CCDC3: variants seen among roughly 807,000 people sequenced by gnomAD.
The protein encoded by CCDC3 is coiled-coil domain-containing protein 3.
CCDC3 carries 24 observed loss-of-function variants against 21.4 expected under a neutral mutation model. The ratio of observed to expected loss-of-function variants is 1.12; its 90% CI spans 0.81 to 1.58. The LOEUF (loss-of-function observed/expected upper bound fraction) is 1.58, where lower values mean the gene tolerates loss of function less well. Ranked by LOEUF, CCDC3 falls within the 40% of genes most tolerant of loss-of-function variation. The probability of loss-of-function intolerance (pLI) is 0.00; values close to 1 mark genes in which losing one functional copy is unlikely to be tolerated. For synonymous variants in CCDC3, 186 were observed against 166.0 expected (o/e 1.12, Z -0.93); for missense variants, 425 against 360.9 (o/e 1.18, Z -1.44).
chr10:13,040,432 C>A (rs544878259), intron 5 of CCDC3, among the ~76,000 whole-genome samples: 72 of 152,218 alleles, frequency 4.7e-4, no homozygotes, highest in Non-Finnish European at 4.6e-4. Context: ...GGGCTAGATG[C>A]GGTGGCTCGC....
chr10:12,978,602 G>A (rs935306364), intron 2 of CCDC3, among the ~76,000 whole-genome samples: 1 of 152,016 alleles, frequency 6.6e-6, no homozygotes, highest in African/African-American at 2.4e-5. Flanking sequence ...AAAGGCAGGA[G>A]GCCAACCTGG....
chr10:13,098,710 A>ATTTGTTTTTTTTTTT, intron 2 of CCDC3: 1 of 64,854 alleles, frequency 1.5e-5, no homozygotes, highest in Non-Finnish European at 2.7e-5. Flanking sequence ...TCCTGCACTG[A>ATTTGTTTTTTTTTTT]TTTTTTTTTT....
chr10:13,035,975 C>T (rs1181770581), intron 5 of CCDC3, among the ~76,000 whole-genome samples: 5 of 152,146 alleles, frequency 3.3e-5, no homozygotes. Flanking sequence ...GAAACCCCGT[C>T]TGTACTAAAA....
At chr10:13,042,923 AAAAAG>A (rs1457145178) in intron 5 of CCDC3, among the ~76,000 whole-genome samples, 3 of 127,818 alleles carry the variant, frequency 2.3e-5, no homozygotes, top group African/African-American at 5.3e-5. Flanking sequence ...AAAAAAAAAA[AAAAAG>A]AAAAGAAAAA....
Position 12,898,453 on chromosome 10 carries a change from G to A in CCDC3, c.776C>T (p.Ala259Val), listed in dbSNP as rs1433405365. 12 of 1,610,262 alleles carry A rather than the reference G, an allele frequency of 7.5e-6. No individual in the cohort carries two copies. Among genetic ancestry groups the A allele is most frequent in the Non-Finnish European group, 9.3e-6 (11 of 1,177,866 alleles). ...LAAGALPHIN[A>V]RGPVRPPYLR... is the part of the protein sequence containing the mutation. ...GTAGGGGGGGCGCACGGGCCCCCGG[G>A]CATTGATGTGCGGCAGCGCGCCCGC... The change falls in exon 3 of 3, where the codon GCC becomes GTC. Residue 259 changes from alanine (A) to valine (V), a missense_variant. Physicochemically the swap from Ala to Val is moderately conservative, Grantham distance 64. Coordinates refer to ENST00000378825, the MANE Select transcript of CCDC3 (RefSeq NM_031455.4).
intron 2 of CCDC3, among the ~76,000 whole-genome samples, chr10:12,971,415 C>G (rs1835341635): frequency 6.6e-6 from 1 of 152,332 alleles, no homozygotes; most frequent in African/African-American, 2.4e-5. Context: ...AGCACAGCTT[C>G]TCACTGTAGC....
intron 2 of CCDC3, among the ~76,000 whole-genome samples, chr10:12,963,430 C>T (rs1016333863): frequency 1.3e-5 from 2 of 152,156 alleles, no homozygotes; most frequent in Non-Finnish European, 2.9e-5. Flanking sequence ...GCACTTCCCA[C>T]GTCTTCAACA....
At chr10:12,899,653 A>G (rs942344994) in intron 2 of CCDC3, among the ~76,000 whole-genome samples, 7 of 152,180 alleles carry the variant, frequency 4.6e-5, no homozygotes, top group Non-Finnish European at 8.8e-5. Context: ...TGGTGTAGCA[A>G]TGTCTAAGTG....
rs531989058 is a variant in CCDC3 at position 12,898,576 on chromosome 10, C to T, written c.653G>A (p.Arg218Gln). Residue 218 changes from arginine (R) to glutamine (Q), a missense_variant, in exon 3 of 3, where the codon CGG becomes CAG. Transcript: ENST00000378825. ...ATLEKRNRQL[R>Q]ERVKKVKRSL... The stretch of plus-strand genomic sequence containing the variant: ...CCTCTTGACCTTCTTCACTCGCTCC[C>T]GGAGCTGCCGGTTGCGCTTCTCCAG... 1.7e-5 allele frequency: 27 copies of T among 1,614,120 alleles called. No individual in the cohort carries two copies. Among genetic ancestry groups the T allele is most frequent in the Admixed American group, 1.0e-4 (6 of 60,012 alleles).
chr10:13,033,121 T>C (rs886538383), intron 5 of CCDC3, among the ~76,000 whole-genome samples: 1 of 152,186 alleles, frequency 6.6e-6, no homozygotes, highest in African/African-American at 2.4e-5. Context: ...CAAAATAGCA[T>C]GGTACTGGTA....
chr10:13,082,240 T>C (rs1564342948), intron 3 of CCDC3, among the ~76,000 whole-genome samples: 1 of 151,840 alleles, frequency 6.6e-6, no homozygotes, highest in Non-Finnish European at 1.5e-5. Context: ...GGGTAAGGAG[T>C]GTGAGCCATC....
chr10:12,953,515 G>C (rs1369862967), intron 2 of CCDC3, among the ~76,000 whole-genome samples: 1 of 152,248 alleles, frequency 6.6e-6, no homozygotes, highest in Non-Finnish European at 1.5e-5. Context: ...GAAAACAGAA[G>C]ATCTGTGGTT....
intron 3 of CCDC3, among the ~76,000 whole-genome samples, chr10:13,074,325 A>ATT (rs543893110): frequency 3.2e-5 from 2 of 62,796 alleles, no homozygotes; most frequent in African/African-American, 1.3e-4. Flanking sequence ...ATCCCGGCTA[A>ATT]TTTTTTTTTT....
intron 5 of CCDC3, among the ~76,000 whole-genome samples, chr10:13,008,660 T>C (rs560542604): frequency 1.3e-5 from 2 of 152,230 alleles, no homozygotes; most frequent in Admixed American, 1.3e-4. Context: ...TAGAAATCAA[T>C]ATAGTTGCAT....
intron 2 of CCDC3, among the ~76,000 whole-genome samples, chr10:12,973,404 G>A (rs2131266305): frequency 6.6e-6 from 1 of 152,318 alleles, no homozygotes; most frequent in East Asian, 1.9e-4. Context: ...GAAGGCCTGA[G>A]CAATGGAAAT....
intron 5 of CCDC3, among the ~76,000 whole-genome samples, chr10:13,028,072 C>A (rs1589044326): frequency 6.6e-6 from 1 of 152,122 alleles, no homozygotes; most frequent in Non-Finnish European, 1.5e-5. Context: ...GTGAAAAAGC[C>A]AGAATGATAT....
At chr10:12,991,961 T>C (rs11258111) in intron 2 of CCDC3, among the ~76,000 whole-genome samples, 19,257 of 151,740 alleles carry the variant, frequency 0.13, 1,523 homozygotes, top group Non-Finnish European at 0.18. Context: ...GCCATGCATA[T>C]GGAAAGATCT....
chr10:12,982,013 C>A (rs143159651), intron 2 of CCDC3, among the ~76,000 whole-genome samples: 1 of 147,072 alleles, frequency 6.8e-6, no homozygotes, highest in East Asian at 2.0e-4. Flanking sequence ...GTCCCAGCTA[C>A]TTGGAGGCTG....
intron 3 of CCDC3, among the ~76,000 whole-genome samples, chr10:13,090,769 G>A (rs1832557644): frequency 1.3e-5 from 2 of 152,212 alleles, no homozygotes; most frequent in African/African-American, 4.8e-5. Context: ...AGGGACAGAA[G>A]TAAAAGGACA....
Sources: allele counts gnomAD v4.1 joint callset (sites outside exome capture counted in the v4.1 genomes callset), GRCh38; gene constraint gnomAD v4.1.1; transcripts MANE v1.5; gene names NCBI Gene and HGNC (gene_info 2026-07-23, HGNC 2026-07-21).